The following NPAS2 variants were observed in gnomAD, a reference collection of about 807,000 sequenced individuals.
NPAS2 encodes neuronal PAS domain protein 2, also known as neuronal PAS domain-containing protein 2.
NPAS2 carries 23 observed loss-of-function variants against 107.5 expected under a neutral mutation model. The ratio of observed to expected loss-of-function variants is 0.21; its 90% confidence interval spans 0.15 to 0.30. NPAS2 has a LOEUF of 0.30. Ranked by LOEUF, NPAS2 falls within the 10% of genes least tolerant of loss-of-function variation. The pLI is 1.00. For missense variants in NPAS2, 756 were observed against 1,043.3 expected (o/e 0.72, Z 3.79); for synonymous variants, 403 against 417.5 (o/e 0.97, Z 0.42).
intron 2 of NPAS2, among the ~76,000 whole-genome samples, chr2:100,909,786 A>C (rs1366205309): frequency 6.6e-6 from 1 of 151,854 alleles, no homozygotes; most frequent in Non-Finnish European, 1.5e-5. Context: ...GTGAGAACGC[A>C]GGAGGTAATA....
rs762224994 is a variant in NPAS2 at position 100,968,414 on chromosome 2, A to C, written c.1041A>C (p.Thr347=). ...CCAAGCCCGAGTTCATCGTGTGCAC[A>C]CACTCGGTGGTCAGGTACCGCGCAC... is the stretch of plus-strand genomic sequence containing the variant. ...WNSKPEFIVC[T]HSVVSYADVR... is the part of the protein sequence containing the mutation. The change falls in exon 11 of 21, where the codon ACA becomes ACC. Residue 347 remains threonine, a synonymous_variant. Coordinates refer to ENST00000335681, the MANE Select transcript of NPAS2 (RefSeq NM_002518.4). The surrounding 1 kb of genome is among the most constrained non-coding windows in gnomAD (Gnocchi z 5.3). 1.1e-5 allele frequency: 17 copies of C among 1,613,006 alleles called. No homozygotes were observed. Among genetic ancestry groups the C allele is most frequent in the Non-Finnish European group, 1.3e-5 (15 of 1,179,470 alleles).
Position 100,982,350 on chromosome 2 carries a change from C to G in NPAS2, c.1602C>G (p.Leu534=). The change falls in exon 16 of 21, where the codon CTC becomes CTG. Residue 534 remains leucine, a synonymous_variant. Transcript: ENST00000335681. ...AGCTCCACAAGATCCAGGAGCAGCT[C>G]TGCCTGGTCCAGGACTCCAACGTCC... The part of the protein sequence containing the change: ...QEELHKIQEQ[L]CLVQDSNVQM... 2 of 1,614,198 alleles carry G rather than the reference C, an allele frequency of 1.2e-6. No individual in the cohort carries two copies. Among genetic ancestry groups the G allele is most frequent in the Non-Finnish European group, 1.7e-6 (2 of 1,180,042 alleles).
Position 100,990,885 on chromosome 2 carries a change from T to TG in NPAS2, c.2111+15dup. On this transcript the variant is annotated intron_variant, in intron 19 of 20. Coordinates refer to ENST00000335681, the MANE Select transcript of NPAS2 (RefSeq NM_002518.4). ...GACGGCAAGTCAAGTACGTGGACCC[T>TG]GGCGGGAGGCAGGAGGCAAGCGCTG... The TG allele has an allele frequency of 6.2e-7, 1 of 1,612,362 alleles. No individual in the cohort carries two copies. The highest frequency in any genetic ancestry group is 8.5e-7 in the Non-Finnish European group (1 of 1,178,516).
In NPAS2 at chr2:100,820,376, C is replaced by G. The variant is rs1452580472; in HGVS notation, c.-61C>G. 1 of 149,348 alleles carries G rather than the reference C, an allele frequency of 6.7e-6. No individual in the cohort carries two copies. The highest frequency in any genetic ancestry group is 1.5e-5 in the Non-Finnish European group (1 of 67,002). The allele number at this position is 149,348 out of a possible 1,614,324, so 9.3% of individuals were successfully genotyped here. On this transcript the variant is annotated 5_prime_UTR_variant, in exon 1 of 21. Transcript: ENST00000335681. This position sits in a 1 kb window ranked among gnomAD's most constrained non-coding sequence, Gnocchi z 5.6. Reference sequence around the variant, plus strand: ...GGAGGCGCGTCTCCCCGGCCCAGTCCGCGCCCGGCCCCGCGGGGCCGCTCC... The same window carrying G: ...GGAGGCGCGTCTCCCCGGCCCAGTCGGCGCCCGGCCCCGCGGGGCCGCTCC...
At chr2:100,847,077 AAAT>A (rs1360106215) in intron 1 of NPAS2, 1 of 152,262 alleles carries the variant, frequency 6.6e-6, no homozygotes, top group Non-Finnish European at 1.5e-5. Flanking sequence ...GGAGTATGAG[AAAT>A]AATAACAATC....
intron 12 of NPAS2, chr2:100,972,528 T>C (rs1370308324): frequency 6.6e-6 from 1 of 152,180 alleles, no homozygotes; most frequent in Non-Finnish European, 1.5e-5. Flanking sequence ...AAGGGCCAAG[T>C]TGGGAGGAAG....
At chr2:100,936,460 A>G (rs1461131251) in intron 4 of NPAS2, among the ~76,000 whole-genome samples, 1 of 152,208 alleles carries the variant, frequency 6.6e-6, no homozygotes, top group Non-Finnish European at 1.5e-5. Context: ...GGTTTCCAGT[A>G]AAAGTCTCCC....
At chr2:100,960,495 G>A (rs1675854313) in intron 7 of NPAS2, among the ~76,000 whole-genome samples, 1 of 151,816 alleles carries the variant, frequency 6.6e-6, no homozygotes, top group Non-Finnish European at 1.5e-5. Flanking sequence ...ATCTCCGCAA[G>A]CAGAAGACCA....
chr2:100,907,518 A>ACACC (rs1317517168), intron 2 of NPAS2, among the ~76,000 whole-genome samples: 1 of 150,614 alleles, frequency 6.6e-6, no homozygotes, highest in African/African-American at 2.4e-5. Flanking sequence ...ACACACACAC[A>ACACC]CACACCCCTA....
Position 100,820,920 on chromosome 2 carries a change from G to A in NPAS2, c.-23+506G>A, listed in dbSNP as rs1277896820. 1.5e-6 allele frequency: 1 copy of A among 656,650 alleles called. No homozygotes were observed. The highest frequency in any genetic ancestry group is 7.2e-5 in the East Asian group (1 of 13,814). 40.7% of individuals were successfully genotyped at this position (656,650 alleles called of 1,614,324 possible). A position where few individuals can be genotyped will look rare whatever the true frequency, so the allele number is the denominator to read the frequency against. On this transcript the variant is annotated intron_variant, in intron 1 of 20. Transcript: ENST00000335681. This position sits in a 1 kb window ranked among gnomAD's most constrained non-coding sequence, Gnocchi z 5.6. ...GTCGGAATTGGTTCCGGGCCGGATT[G>A]GGTGCGGAATCGGTGCCCCCAACCC...
chr2:100,977,579 T>C (rs1198239145), intron 14 of NPAS2, 131 bp from the exon 15 acceptor site: 2 of 736,328 alleles, frequency 2.7e-6, no homozygotes, highest in Admixed American at 4.4e-5. Flanking sequence ...ACACCTATAC[T>C]TTCTAGAACT....
chr2:100,990,691 T>G, intron 18 of NPAS2, 89 bp from the exon 19 acceptor site: 1 of 1,266,420 alleles, frequency 7.9e-7, no homozygotes, highest in South Asian at 1.2e-5. Flanking sequence ...CCATAAAGGG[T>G]CCAGCCAGGC....
intron 1 of NPAS2, among the ~76,000 whole-genome samples, chr2:100,838,897 A>G (rs2104408511): frequency 6.6e-6 from 1 of 152,240 alleles, no homozygotes; most frequent in Admixed American, 6.5e-5. Context: ...TATTAAATAT[A>G]TATTTACAGT....
chr2:100,995,588 C>T lies in NPAS2; in HGVS notation c.*6C>T, dbSNP rs749282801. On this transcript the variant is annotated 3_prime_UTR_variant, in exon 21 of 21. Coordinates refer to ENST00000335681, the MANE Select transcript of NPAS2 (RefSeq NM_002518.4). ...TCCAGCAGCCGCCCCGATAATGCCC[C>T]GGCACTGAAGTCGGGACACAATCAG... 6 of 1,602,176 alleles carry T rather than the reference C, an allele frequency of 3.7e-6. No individual in the cohort carries two copies. The Admixed American group carries it at 8.4e-5, about 22-fold the overall frequency.
At chr2:100,821,418 T>C (rs1431904104) in intron 1 of NPAS2, among the ~76,000 whole-genome samples, 8 of 152,068 alleles carry the variant, frequency 5.3e-5, no homozygotes, top group South Asian at 2.1e-4. Flanking sequence ...TACGCGTTGC[T>C]TTGGCATCCA....
At chr2:100,844,242 G>A (rs1286751375) in intron 1 of NPAS2, among the ~76,000 whole-genome samples, 1 of 152,128 alleles carries the variant, frequency 6.6e-6, no homozygotes, top group Non-Finnish European at 1.5e-5. Flanking sequence ...CACTGAAGGG[G>A]GACTCCATGG....
In NPAS2 at chr2:100,990,843, G is replaced by A. The variant is rs201219112; in HGVS notation, c.2082G>A (p.Ser694=). ...GGTCCTGTGACGCAAGGCAGCCCTC[G>A]GAAGTCAGCAGGACGGGACGGCAAG... ...MPGSCDARQP[S]EVSRTGRQVK... is the part of the protein sequence containing the mutation. Residue 694 remains serine, a synonymous_variant, in exon 19 of 21, where the codon TCG becomes TCA. Transcript: ENST00000335681. 2.4e-5 allele frequency: 38 copies of A among 1,614,182 alleles called. No homozygotes were observed. The East Asian group carries it at 4.5e-4, about 19-fold the overall frequency.
intron 1 of NPAS2, among the ~76,000 whole-genome samples, chr2:100,882,568 G>GC (rs1680435131): frequency 6.6e-6 from 1 of 152,200 alleles, no homozygotes; most frequent in South Asian, 2.1e-4. Flanking sequence ...AGCCGAGATC[G>GC]CACCACTGCG....
chr2:100,960,823 T>C (rs1263531666), intron 7 of NPAS2, among the ~76,000 whole-genome samples: 2 of 152,118 alleles, frequency 1.3e-5, no homozygotes, highest in African/African-American at 4.8e-5. Flanking sequence ...AAGCTAGGAT[T>C]TGGAGATGAG....
Sources: gnomAD v4.1 joint callset for allele counts (sites outside exome capture counted in the v4.1 genomes callset) on GRCh38, gnomAD v4.1.1 for gene constraint, Gnocchi (gnomAD v3.1) non-coding constraint, MANE v1.5 for transcripts, NCBI Gene and HGNC (gene_info 2026-07-23, HGNC 2026-07-21) for gene names.